Variants in IQSEC1 observed in about 807,000 individuals in gnomAD.
IQSEC1 encodes IQ motif and Sec7 domain ArfGEF 1.
In IQSEC1, 31 loss-of-function variants were observed where a neutral mutation model predicts 91.0. The observed-to-expected ratio is 0.34, with a 90% CI of 0.26 to 0.46. The LOEUF is 0.46. Among genes scored for constraint, IQSEC1 ranks in the 20% least tolerant of loss-of-function variants. The pLI is 1.00. For missense variants in IQSEC1, 1,388 were observed against 1,575.6 expected (o/e 0.88, Z 2.02); for synonymous variants, 699 against 662.6 (o/e 1.05, Z -0.84).
chr3:13,190,320 C>T lies in IQSEC1; in HGVS notation c.273-26187G>A, dbSNP rs111508078. 6.0e-3 allele frequency among the ~76,000 whole-genome samples: 913 copies of T among 152,308 alleles called. 11 individuals are homozygous for T. Among genetic ancestry groups the T allele is most frequent in the African/African-American group, 0.02 (848 of 41,556 alleles). ...CGGCTCCTGGCTCACGCCCGAAATC[C>T]CAACACTTTGGGAGGCCAAGGTGGG... On this transcript the variant is annotated intron_variant, in intron 1 of 15. Transcript: ENST00000648114.
rs1050601519 is a variant in IQSEC1, at chr3:13,090,129, A to T, written c.303-42607T>A. On this transcript the variant is annotated intron_variant, in intron 2 of 15. Transcript: ENST00000648114. ...GCTACTCGGGAGGCTGAGGCAGGAGAATGGCGTGAACCTGGGAGGCGGAGC... is the reference window on the plus strand; with the variant it reads ...GCTACTCGGGAGGCTGAGGCAGGAGTATGGCGTGAACCTGGGAGGCGGAGC... 1.7e-3 allele frequency among the ~76,000 whole-genome samples: 264 copies of T among 151,954 alleles called. 2 individuals carry two copies. The highest frequency in any genetic ancestry group is 6.0e-3 in the African/African-American group (248 of 41,448).
intron 1 of IQSEC1, among the ~76,000 whole-genome samples, chr3:13,046,035 G>A (rs1007087429): frequency 1.3e-5 from 2 of 152,236 alleles, no homozygotes; most frequent in African/African-American, 4.8e-5. Flanking sequence ...GTGAGATTAT[G>A]CAATGGGCAT....
intron 1 of IQSEC1, among the ~76,000 whole-genome samples, chr3:13,194,254 G>A (rs1423713956): frequency 6.6e-6 from 1 of 152,174 alleles, no homozygotes; most frequent in African/African-American, 2.4e-5. Context: ...ATGAGTCAGT[G>A]GGGGGTGCCA....
intron 1 of IQSEC1, among the ~76,000 whole-genome samples, chr3:13,231,046 T>G (rs1356438299): frequency 6.6e-6 from 1 of 152,220 alleles, no homozygotes; most frequent in Non-Finnish European, 1.5e-5. Context: ...GATTTTACCA[T>G]AAATTTGATG....
intron 1 of IQSEC1, among the ~76,000 whole-genome samples, chr3:13,206,201 C>A (rs1038158583): frequency 6.6e-6 from 1 of 151,772 alleles, no homozygotes; most frequent in Non-Finnish European, 1.5e-5. Context: ...ATCCACCCCT[C>A]CATCCACCCA....
At chr3:13,144,982 G>T (rs987066809) in intron 2 of IQSEC1, among the ~76,000 whole-genome samples, 2 of 152,194 alleles carry the variant, frequency 1.3e-5, no homozygotes, top group Non-Finnish European at 2.9e-5. Flanking sequence ...AGAAGAAAAG[G>T]CAGCGGCCAG....
At chr3:13,263,267 CAA>C (rs1559288904) in intron 1 of IQSEC1, among the ~76,000 whole-genome samples, 3 of 151,688 alleles carry the variant, frequency 2.0e-5, no homozygotes, top group Admixed American at 6.6e-5. Flanking sequence ...CAAAACAAAA[CAA>C]AACAAAAAAC....
chr3:13,204,020 C>G (rs976262545), intron 1 of IQSEC1, among the ~76,000 whole-genome samples: 1 of 152,238 alleles, frequency 6.6e-6, no homozygotes, highest in Admixed American at 6.5e-5. Context: ...ATGTCCCCAG[C>G]TCCCCTTCCC....
chr3:12,999,561 G>A (rs1196649260), intron 1 of IQSEC1, among the ~76,000 whole-genome samples: 2 of 152,148 alleles, frequency 1.3e-5, no homozygotes, highest in African/African-American at 2.4e-5. Flanking sequence ...CACGTGGGGC[G>A]GGGACATCTA....
At chr3:13,226,158 C>T (rs1362654483) in intron 1 of IQSEC1, among the ~76,000 whole-genome samples, 1 of 152,172 alleles carries the variant, frequency 6.6e-6, no homozygotes. Context: ...GGATTACAGG[C>T]GTGAGCAACC....
intron 1 of IQSEC1, among the ~76,000 whole-genome samples, chr3:13,224,156 G>A (rs1301017724): frequency 1.3e-5 from 2 of 152,104 alleles, no homozygotes; most frequent in East Asian, 3.9e-4. Context: ...GGCCGGTGCA[G>A]AGCGAGAGCC....
At chr3:13,190,014 C>T (rs1693994862) in intron 1 of IQSEC1, among the ~76,000 whole-genome samples, 1 of 152,200 alleles carries the variant, frequency 6.6e-6, no homozygotes, top group Admixed American at 6.5e-5. Flanking sequence ...AGCTCATGGC[C>T]CCACCGCCCT....
rs1306659938 is a variant in IQSEC1, at chr3:13,207,255, C to T, written c.273-43122G>A. Among the ~76,000 whole-genome samples the T allele has an allele frequency of 2.6e-5, 4 of 152,158 alleles. No individual in the cohort carries two copies. The highest frequency in any genetic ancestry group is 5.9e-5 in the Non-Finnish European group (4 of 68,018). On this transcript the variant is annotated intron_variant, in intron 1 of 15. Transcript: ENST00000648114. The surrounding 1 kb of genome is among the most constrained non-coding windows in gnomAD (Gnocchi z 4.8). The stretch of plus-strand genomic sequence containing the variant: ...CTTCCCCACCTCCGCTCAAACCTTC[C>T]CACCAGATTCCTCCTGGCTTGTTTC...
intron 1 of IQSEC1, among the ~76,000 whole-genome samples, chr3:13,003,148 G>A (rs1702492630): frequency 6.6e-6 from 1 of 152,002 alleles, no homozygotes; most frequent in Non-Finnish European, 1.5e-5. Flanking sequence ...TTATTCAGCA[G>A]TAAAAAGGAA....
chr3:12,914,606 T>C (rs767328009), intron 8 of IQSEC1, among the ~76,000 whole-genome samples: 2 of 152,012 alleles, frequency 1.3e-5, no homozygotes, highest in Non-Finnish European at 2.9e-5. Context: ...GCAGAGCGGC[T>C]TTCAGGACTG....
chr3:13,059,750 C>G (rs1202451513), intron 1 of IQSEC1, among the ~76,000 whole-genome samples: 4 of 151,950 alleles, frequency 2.6e-5, no homozygotes, highest in African/African-American at 9.7e-5. Context: ...GACCCTATCT[C>G]TAAAAAATGA....
intron 2 of IQSEC1, among the ~76,000 whole-genome samples, chr3:13,149,739 C>G (rs979670619): frequency 6.6e-6 from 1 of 152,104 alleles, no homozygotes; most frequent in East Asian, 1.9e-4. Context: ...TCCCCTCTGT[C>G]CGCTGCCCCA....
At chr3:13,074,735 G>A (rs948377721), upstream of IQSEC1, among the ~76,000 whole-genome samples, 3 of 152,190 alleles carry the variant, frequency 2.0e-5, no homozygotes, top group Non-Finnish European at 2.9e-5. Context: ...ACTGGGAATC[G>A]GCTGGATGTG....
intron 1 of IQSEC1, among the ~76,000 whole-genome samples, chr3:12,956,403 G>C (rs1422625566): frequency 2.0e-5 from 3 of 152,192 alleles, no homozygotes; most frequent in Admixed American, 2.0e-4. Context: ...CATGGCTGGT[G>C]GGAACACCAA....
Sources: gnomAD v4.1 joint callset for allele counts (sites outside exome capture counted in the v4.1 genomes callset) on GRCh38, gnomAD v4.1.1 for gene constraint, Gnocchi (gnomAD v3.1) non-coding constraint, MANE v1.5 for transcripts, NCBI Gene and HGNC (gene_info 2026-07-23, HGNC 2026-07-21) for gene names.